SYN3: variants seen among roughly 807,000 people sequenced by gnomAD.
SYN3 encodes synapsin III, also known as synapsin-3.
Under a neutral mutation model 65.8 loss-of-function variants are expected in SYN3, and 35 were observed. The observed-to-expected ratio is 0.53, with a 90% CI of 0.41 to 0.70. SYN3 has a LOEUF of 0.70. SYN3 is among the 30% of genes least tolerant of loss of function. The probability of loss-of-function intolerance (pLI) is 0.00; values close to 1 mark genes in which losing one functional copy is unlikely to be tolerated. For missense variants in SYN3, 680 were observed against 749.0 expected, an observed-to-expected ratio of 0.91 and a Z score of 1.08; for synonymous variants, 270 against 292.9, an observed-to-expected ratio of 0.92 and a Z score of 0.80.
intron 9 of SYN3, among the ~76,000 whole-genome samples, chr22:32,537,204 G>A (rs970615459): frequency 6.6e-6 from 1 of 151,870 alleles, no homozygotes; most frequent in Non-Finnish European, 1.5e-5. Flanking sequence ...TTTTTGCCCA[G>A]GCTGGAGTTC....
chr22:32,768,647 A>AT (rs11404116), intron 6 of SYN3, among the ~76,000 whole-genome samples: 119,111 of 151,964 alleles, frequency 0.78, 47,524 homozygotes, highest in African/African-American at 0.94. Flanking sequence ...GTTTTATCTT[A>AT]TTTTTTCTCT....
At chr22:32,677,750 G>A (rs1418381515) in intron 6 of SYN3, among the ~76,000 whole-genome samples, 1 of 151,802 alleles carries the variant, frequency 6.6e-6, no homozygotes, top group Admixed American at 6.6e-5. Context: ...GCAGTGAGCC[G>A]ACATCGCACC....
chr22:32,656,533 G>A (rs2060144266), intron 6 of SYN3, among the ~76,000 whole-genome samples: 1 of 152,134 alleles, frequency 6.6e-6, no homozygotes, highest in Admixed American at 6.5e-5. Flanking sequence ...GGGAGGTTGA[G>A]GTTTGAGGTG....
At chr22:32,615,821 C>T (rs139525608) in intron 6 of SYN3, among the ~76,000 whole-genome samples, 73 of 152,288 alleles carry the variant, frequency 4.8e-4, no homozygotes, top group Middle Eastern at 3.4e-3. Flanking sequence ...GTTCACAGCA[C>T]GGCTGGGCCA....
At chr22:32,525,594 C>T (rs1387277352) in intron 12 of SYN3, among the ~76,000 whole-genome samples, 2 of 151,714 alleles carry the variant, frequency 1.3e-5, no homozygotes, top group Non-Finnish European at 2.9e-5. Flanking sequence ...CCTGTAGTCC[C>T]AGCTACTCGG....
At chr22:32,638,477 T>C (rs2146863704) in intron 6 of SYN3, among the ~76,000 whole-genome samples, 1 of 152,318 alleles carries the variant, frequency 6.6e-6, no homozygotes, top group East Asian at 1.9e-4. Context: ...ACATCTGTTG[T>C]TTTTTGACTT....
chr22:32,854,039 T>C (rs2048295923), intron 6 of SYN3, among the ~76,000 whole-genome samples: 3 of 152,360 alleles, frequency 2.0e-5, no homozygotes, highest in Admixed American at 2.0e-4. Flanking sequence ...GATTCTCTGA[T>C]GTCAGGACAT....
intron 6 of SYN3, among the ~76,000 whole-genome samples, chr22:32,601,944 CTT>C (rs757479781): frequency 2.9e-5 from 4 of 136,816 alleles, no homozygotes; most frequent in African/African-American, 5.1e-5. Flanking sequence ...CTTTTCTTTT[CTT>C]TTTTTTTTTT....
At chr22:32,738,493 T>C (rs570202521) in intron 6 of SYN3, among the ~76,000 whole-genome samples, 14 of 152,368 alleles carry the variant, frequency 9.2e-5, no homozygotes, top group South Asian at 2.1e-4. Context: ...GACTCTGAAT[T>C]TGAAGAAAGT....
At chr22:32,756,258 A>G (rs925245368) in intron 6 of SYN3, among the ~76,000 whole-genome samples, 2 of 152,168 alleles carry the variant, frequency 1.3e-5, no homozygotes, top group Non-Finnish European at 2.9e-5. Context: ...TAACTGTAAC[A>G]TAAAGCAAAA....
chr22:32,852,737 A>ATG (rs113858544), intron 6 of SYN3, among the ~76,000 whole-genome samples: 8 of 151,468 alleles, frequency 5.3e-5, no homozygotes, highest in Non-Finnish European at 8.8e-5. Flanking sequence ...GACCTGCGAT[A>ATG]TGTGTGTGTG....
At chr22:32,679,234 G>A (rs1220897348) in intron 6 of SYN3, among the ~76,000 whole-genome samples, 1 of 151,586 alleles carries the variant, frequency 6.6e-6, no homozygotes, top group African/African-American at 2.4e-5. Flanking sequence ...TGTATTTTTA[G>A]TAGAGACAGG....
chr22:32,876,815 T>C (rs1333552295), intron 4 of SYN3, among the ~76,000 whole-genome samples: 1 of 152,168 alleles, frequency 6.6e-6, no homozygotes, highest in African/African-American at 2.4e-5. Flanking sequence ...TGAAAACCAC[T>C]CATTTGTTAA....
chr22:32,890,072 C>CTTTTTTTTTTT lies in SYN3; in HGVS notation c.462-20958_462-20948dup, dbSNP rs5845051. Among the ~76,000 whole-genome samples, 10 of 58,282 alleles carry CTTTTTTTTTTT rather than the reference C, an allele frequency of 1.7e-4. 1 individual carries two copies. Among genetic ancestry groups the CTTTTTTTTTTT allele is most frequent in the Non-Finnish European group, 1.8e-4 (6 of 32,754 alleles). The allele number at this position is 58,282 out of a possible 152,430, so 38.2% of individuals were successfully genotyped here. ...TTGGGTAATTATTGAGATTTAGCTG[C>CTTTTTTTTTTT]TTTTTTTTTTTTTTTTTTTTTTTGA... is the stretch of plus-strand genomic sequence containing the variant. On this transcript the variant is annotated intron_variant, in intron 4 of 13. Coordinates refer to ENST00000358763, the MANE Select transcript of SYN3 (RefSeq NM_003490.4).
At chr22:32,532,827 G>A (rs904522981) in intron 10 of SYN3, among the ~76,000 whole-genome samples, 35 of 152,306 alleles carry the variant, frequency 2.3e-4, no homozygotes, top group Admixed American at 3.3e-4. Flanking sequence ...TCTCCCTCAC[G>A]TGTCCTGGCC....
At chr22:32,803,644 C>T (rs749343594) in intron 6 of SYN3, among the ~76,000 whole-genome samples, 25 of 152,198 alleles carry the variant, frequency 1.6e-4, no homozygotes, top group Non-Finnish European at 3.1e-4. Flanking sequence ...CCACATTCCA[C>T]TTACCCTTTC....
Position 32,941,858 on chromosome 22 carries a change from G to A in SYN3, c.370-10377C>T, listed in dbSNP as rs148456103. ...ACGGAGCCTCGCTCATTGCCAGCTCGGCAGTCTGAGATCTAACTGCAAGGC... is the reference window on the plus strand; with the variant it reads ...ACGGAGCCTCGCTCATTGCCAGCTCAGCAGTCTGAGATCTAACTGCAAGGC... On this transcript the variant is annotated intron_variant, in intron 3 of 13. Coordinates refer to ENST00000358763, the MANE Select transcript of SYN3 (RefSeq NM_003490.4). Among the ~76,000 whole-genome samples the A allele has an allele frequency of 5.1e-3, 776 of 152,276 alleles. 7 individuals carry two copies. Among genetic ancestry groups the A allele is most frequent in the African/African-American group, 0.018 (746 of 41,564 alleles).
rs746639195 is a variant in SYN3 at position 33,006,687 on chromosome 22, G to A, written c.-25C>T. On this transcript the variant is annotated 5_prime_UTR_variant, in exon 2 of 14. Transcript: ENST00000358763. ...TGGCTGTGGATGGATGGAGATGACT[G>A]GCTCCTACCCAGACGTGTGTAGGTG... 6.4e-7 allele frequency: 1 copy of A among 1,555,680 alleles called. No individual in the cohort carries two copies. The highest frequency in any genetic ancestry group is 8.7e-7 in the Non-Finnish European group (1 of 1,149,902).
At chr22:32,807,322 A>T (rs5994636) in intron 6 of SYN3, among the ~76,000 whole-genome samples, 4 of 94,862 alleles carry the variant, frequency 4.2e-5, no homozygotes, top group Non-Finnish European at 7.7e-5. Context: ...ATAATATATA[A>T]ATATATAATT....
Sources: gnomAD v4.1 joint callset for allele counts (sites outside exome capture counted in the v4.1 genomes callset) on GRCh38, gnomAD v4.1.1 for gene constraint, MANE v1.5 for transcripts, NCBI Gene and HGNC (gene_info 2026-07-23, HGNC 2026-07-21) for gene names.